Variants in DCHS2 observed in about 807,000 individuals in gnomAD.
DCHS2 encodes dachsous cadherin-related 2.
In DCHS2, 142 loss-of-function variants were observed where a neutral mutation model predicts 182.4. That is an observed-to-expected ratio of 0.78 (90% CI 0.68 to 0.89). DCHS2 has a LOEUF of 0.89. Among genes scored for constraint, DCHS2 ranks in the 40% least tolerant of loss-of-function variants. The pLI, the probability that DCHS2 is intolerant of heterozygous loss-of-function variation, is 0.00. For synonymous variants in DCHS2, 1,740 were observed against 1,663.3 expected (o/e 1.05, Z -1.12); for missense variants, 4,319 against 4,198.6 (o/e 1.03, Z -0.79).
At chr4:154,479,356 C>A (rs1735823070) in intron 1 of DCHS2, among the ~76,000 whole-genome samples, 2 of 151,680 alleles carry the variant, frequency 1.3e-5, no homozygotes, top group African/African-American at 4.8e-5. Flanking sequence ...TTTGGAATCT[C>A]TGAAAGACAG....
intron 1 of DCHS2, among the ~76,000 whole-genome samples, chr4:154,481,703 A>G (rs1323128411): frequency 3.3e-5 from 5 of 152,236 alleles, no homozygotes; most frequent in Non-Finnish European, 5.9e-5. Flanking sequence ...TTTAATCGCC[A>G]CAATAACCCT....
intron 12 of DCHS2, among the ~76,000 whole-genome samples, chr4:154,300,128 A>T (rs1324672204): frequency 6.6e-6 from 1 of 152,096 alleles, no homozygotes. Context: ...CAGGCTGCAA[A>T]TGTTTGGGTG....
intron 1 of DCHS2, among the ~76,000 whole-genome samples, chr4:154,458,030 T>C (rs984427158): frequency 6.6e-6 from 1 of 152,212 alleles, no homozygotes; most frequent in African/African-American, 2.4e-5. Flanking sequence ...AAATAAATGT[T>C]CAGATATAGA....
chr4:154,336,698 T>C (rs1303459142), intron 3 of DCHS2, among the ~76,000 whole-genome samples: 2 of 152,216 alleles, frequency 1.3e-5, no homozygotes, highest in Non-Finnish European at 2.9e-5. Flanking sequence ...TTGCTTGGCC[T>C]GCTCTAAACA....
chr4:154,349,409 A>T (rs996101175), intron 3 of DCHS2, among the ~76,000 whole-genome samples: 2 of 151,856 alleles, frequency 1.3e-5, no homozygotes, highest in Admixed American at 6.6e-5. Context: ...AGCGTGAGTG[A>T]CTCCATTTTG....
rs2111103820 is a variant in DCHS2 at position 154,240,746 on chromosome 4, C to A, written c.7150G>T (p.Ala2384Ser). Residue 2384 changes from alanine (A) to serine (S), a missense_variant, in exon 18 of 20, where the codon GCC becomes TCC. Coordinates refer to ENST00000357232, the MANE Select transcript of DCHS2 (RefSeq NM_001358235.2). ...DLNSAFIFSF[A>S]KESNPGTKFA... The stretch of plus-strand genomic sequence containing the variant: ...TTGGTTCCAGGATTACTCTCTTTGG[C>A]AAAACTGAATATGAAAGCTGAATTC... 1.9e-6 allele frequency: 3 copies of A among 1,613,912 alleles called. No individual in the cohort carries two copies. Among genetic ancestry groups the A allele is most frequent in the South Asian group, 2.2e-5 (2 of 91,080 alleles).
At chr4:154,396,205 T>C (rs1731922459) in intron 1 of DCHS2, among the ~76,000 whole-genome samples, 1 of 147,078 alleles carries the variant, frequency 6.8e-6, no homozygotes, top group Non-Finnish European at 1.5e-5. Flanking sequence ...AGTAGAAGTG[T>C]ACCTGGCACA....
chr4:154,403,185 C>T (rs1347861455), intron 1 of DCHS2, among the ~76,000 whole-genome samples: 2 of 152,058 alleles, frequency 1.3e-5, no homozygotes, highest in South Asian at 4.1e-4. Flanking sequence ...CTGACAAGGA[C>T]CTTCATATTA....
chr4:154,348,113 C>CT (rs1445566483), intron 3 of DCHS2, among the ~76,000 whole-genome samples: 1 of 151,914 alleles, frequency 6.6e-6, no homozygotes, highest in Non-Finnish European at 1.5e-5. Context: ...CTGATAGTCC[C>CT]TTTTTGGGAG....
intron 3 of DCHS2, among the ~76,000 whole-genome samples, chr4:154,348,328 C>A (rs1177023384): frequency 6.6e-6 from 1 of 151,876 alleles, no homozygotes; most frequent in Non-Finnish European, 1.5e-5. Context: ...CCCTTGAAGA[C>A]CTGAACCTGA....
chr4:154,346,642 C>T (rs991891072), intron 3 of DCHS2, among the ~76,000 whole-genome samples: 3 of 151,878 alleles, frequency 2.0e-5, no homozygotes, highest in South Asian at 2.1e-4. Context: ...TGCTTAAAGT[C>T]GAATTCCTGG....
chr4:154,323,944 C>G (rs943521106), intron 7 of DCHS2, among the ~76,000 whole-genome samples: 2 of 151,918 alleles, frequency 1.3e-5, no homozygotes, highest in Non-Finnish European at 2.9e-5. Context: ...TCAATATGCA[C>G]TGCATTCTGG....
Position 154,491,200 on chromosome 4 carries a change from C to A in DCHS2, c.156G>T (p.Val52=). 6.4e-7 allele frequency: 1 copy of A among 1,551,496 alleles called. No individual in the cohort carries two copies. The highest frequency in any genetic ancestry group is 8.7e-7 in the Non-Finnish European group (1 of 1,146,954). The change falls in exon 1 of 20, where the codon GTG becomes GTT. Residue 52 remains valine, a synonymous_variant. Transcript: ENST00000357232. ...CCGAGGCCGCCCACAGCCACACGTGCACCAAGAGCCAGAGCAGGGAGCGCT... is the reference window on the plus strand; with the variant it reads ...CCGAGGCCGCCCACAGCCACACGTGAACCAAGAGCCAGAGCAGGGAGCGCT... ...RTQRSLLWLL[V]HVWLWAASGS...
chr4:154,425,690 G>A lies in DCHS2; in HGVS notation c.2053-48246C>T, dbSNP rs537846731. Among the ~76,000 whole-genome samples, 6 of 152,302 alleles carry A rather than the reference G, an allele frequency of 3.9e-5. No individual in the cohort carries two copies. In the South Asian group the frequency reaches 6.2e-4, roughly 16 times the overall value. On this transcript the variant is annotated intron_variant, in intron 1 of 19. Coordinates refer to ENST00000357232, the MANE Select transcript of DCHS2 (RefSeq NM_001358235.2). ...TAACTAAGGCAAAACACACAGCTCC[G>A]AGGGAACTCGCAAAGCCACAATGCT...
At chr4:154,252,319 T>C (rs1284344274) in intron 16 of DCHS2, among the ~76,000 whole-genome samples, 1 of 152,212 alleles carries the variant, frequency 6.6e-6, no homozygotes, top group African/African-American at 2.4e-5. Context: ...TTACAAACAA[T>C]CCAAATCTTT....
intron 9 of DCHS2, 101 bp from the exon 10 acceptor site, chr4:154,316,088 G>A: frequency 6.6e-7 from 1 of 1,510,008 alleles, no homozygotes; most frequent in Non-Finnish European, 8.8e-7. Context: ...TAAAAATTCA[G>A]AAGTCTTAAC....
chr4:154,399,638 G>C (rs948287668), intron 1 of DCHS2, among the ~76,000 whole-genome samples: 4 of 152,190 alleles, frequency 2.6e-5, no homozygotes, highest in African/African-American at 9.7e-5. Flanking sequence ...GTTTGGAGTT[G>C]CTATCTTTAA....
intron 1 of DCHS2, among the ~76,000 whole-genome samples, chr4:154,448,773 T>G (rs1450030593): frequency 6.6e-6 from 1 of 152,200 alleles, no homozygotes. Context: ...GAGCCAATCT[T>G]TCCAGTTTGT....
At chr4:154,322,749 T>A (rs766484460) in intron 7 of DCHS2, 2 of 360,876 alleles carry the variant, frequency 5.5e-6, no homozygotes, top group Non-Finnish European at 9.8e-6. Flanking sequence ...AATGATCAGC[T>A]CATGGCCAAT....
Sources: gnomAD v4.1 joint callset for allele counts (sites outside exome capture counted in the v4.1 genomes callset) on GRCh38, gnomAD v4.1.1 for gene constraint, MANE v1.5 for transcripts, NCBI Gene and HGNC (gene_info 2026-07-23, HGNC 2026-07-21) for gene names.